The following SPON2 variants were observed in gnomAD, a reference collection of about 807,000 sequenced individuals.
The protein encoded by SPON2 is spondin-2.
SPON2 carries 32 observed loss-of-function variants against 29.9 expected under a neutral mutation model. The observed-to-expected ratio is 1.07, with a 90% CI of 0.81 to 1.44. SPON2 has a LOEUF of 1.44. SPON2 is among the 40% of genes most tolerant of loss of function. The pLI is 0.00. For missense variants in SPON2, 541 were observed against 455.5 expected (o/e 1.19, Z -1.71); for synonymous variants, 248 against 209.1 (o/e 1.19, Z -1.61).
At chr4:1,200,282 C>T (rs1466320620) in intron 1 of SPON2, among the ~76,000 whole-genome samples, 1 of 152,190 alleles carries the variant, frequency 6.6e-6, no homozygotes, top group Non-Finnish European at 1.5e-5. Flanking sequence ...AGAGACCAGG[C>T]AGGCTCCACG....
intron 1 of SPON2, chr4:1,172,333 C>T: frequency 1.8e-6 from 1 of 563,582 alleles, no homozygotes; most frequent in South Asian, 2.1e-5. Context: ...TGCAGCTTGC[C>T]GGGCCGGTCT....
chr4:1,172,605 C>T (rs1446638580), upstream of SPON2: 1 of 158,438 alleles, frequency 6.3e-6, no homozygotes, highest in African/African-American at 2.4e-5. Flanking sequence ...CCCGGAGCTC[C>T]TATTTAAGCC....
At chr4:1,176,097 G>C (rs1393638923), upstream of SPON2, among the ~76,000 whole-genome samples, 1 of 152,106 alleles carries the variant, frequency 6.6e-6, no homozygotes, top group Non-Finnish European at 1.5e-5. Context: ...GATCGGGCTG[G>C]GGTCTCAGGC....
chr4:1,172,939 GTCC>G (rs1224429803), upstream of SPON2: 1 of 101,214 alleles, frequency 9.9e-6, no homozygotes, highest in African/African-American at 3.8e-5. Flanking sequence ...CCTCCCCCCT[GTCC>G]TCCTCCCTCT....
intron 1 of SPON2, among the ~76,000 whole-genome samples, chr4:1,180,704 G>A (rs1727687837): frequency 6.6e-6 from 1 of 152,192 alleles, no homozygotes; most frequent in Admixed American, 6.5e-5. Context: ...AGAGAACCAA[G>A]TAGAAATTCT....
chr4:1,188,981 G>A (rs114502788), intron 1 of SPON2, among the ~76,000 whole-genome samples: 8,768 of 152,254 alleles, frequency 0.058, 367 homozygotes, highest in Non-Finnish European at 0.094. Flanking sequence ...ATCATGCAAA[G>A]TATGTTCTCT....
At chr4:1,179,575 T>A (rs1367585687) in intron 1 of SPON2, 2 of 152,216 alleles carry the variant, frequency 1.3e-5, no homozygotes, top group East Asian at 3.8e-4. Context: ...TTTTAAGTAC[T>A]CTGGAAATTA....
exon 1 of SPON2, chr4:1,195,004 T>C (rs114554470): frequency 0.33 from 14,321 of 43,982 alleles, 2,451 homozygotes; most frequent in Non-Finnish European, 0.41. Flanking sequence ...CAGCCGGCGG[T>C]TCCAACCCCG....
chr4:1,184,975 G>A (rs1483634566), intron 1 of SPON2, among the ~76,000 whole-genome samples: 1 of 151,506 alleles, frequency 6.6e-6, no homozygotes, highest in Non-Finnish European at 1.5e-5. Flanking sequence ...AATAAGCTAT[G>A]CTCTATCTTT....
At chr4:1,190,778 C>T (rs1727897186) in intron 1 of SPON2, among the ~76,000 whole-genome samples, 1 of 151,822 alleles carries the variant, frequency 6.6e-6, no homozygotes, top group Admixed American at 6.6e-5. Flanking sequence ...AAATACAGAC[C>T]AATATTATAA....
chr4:1,180,611 C>T (rs2108657427), intron 1 of SPON2, among the ~76,000 whole-genome samples: 1 of 152,152 alleles, frequency 6.6e-6, no homozygotes, highest in East Asian at 1.9e-4. Flanking sequence ...CTTCCAAGAA[C>T]AAAGGAAAAC....
intron 1 of SPON2, among the ~76,000 whole-genome samples, chr4:1,180,719 T>A (rs1250923899): frequency 3.3e-5 from 5 of 152,044 alleles, no homozygotes; most frequent in Non-Finnish European, 7.4e-5. Context: ...AATTCTGGAG[T>A]TGAAAAGTAC....
chr4:1,188,882 C>G (rs1727852399), intron 1 of SPON2, among the ~76,000 whole-genome samples: 1 of 152,090 alleles, frequency 6.6e-6, no homozygotes, highest in African/African-American at 2.4e-5. Context: ...GGTTGTTGTG[C>G]CCATTATTCT....
chr4:1,168,649 TC>T (rs1727324370), intron 5 of SPON2, among the ~76,000 whole-genome samples: 1 of 152,156 alleles, frequency 6.6e-6, no homozygotes, highest in South Asian at 2.1e-4. Flanking sequence ...TGCTGGCAGA[TC>T]CCAGCACCCC....
intron 2 of SPON2, 182 bp from the exon 3 acceptor site, chr4:1,171,668 C>T (rs1410928119): frequency 1.3e-6 from 1 of 765,868 alleles, no homozygotes; most frequent in Non-Finnish European, 2.1e-6. Context: ...TCCCCGTGAG[C>T]GCCCCCTGCC....
chr4:1,169,673 G>A (rs1727359307), intron 5 of SPON2: 1 of 152,418 alleles, frequency 6.6e-6, no homozygotes, highest in South Asian at 2.1e-4. Context: ...CCCATGGCCA[G>A]GTTGGTGGGC....
rs1052312747 is a variant in SPON2, at chr4:1,167,321, C to T, written c.*151G>A. 8.1e-6 allele frequency: 6 copies of T among 736,638 alleles called. No individual in the cohort carries two copies. The highest frequency in any genetic ancestry group is 1.8e-5 in the African/African-American group (1 of 56,114). The allele number at this position is 736,638 out of a possible 1,614,324, so 45.6% of individuals were successfully genotyped here. On this transcript the variant is annotated 3_prime_UTR_variant, in exon 6 of 6. Transcript: ENST00000290902. Reference sequence around the variant, plus strand: ...ATGCCCGTGCCGGCCACCAGAGGGCCCTTCAGTGCAGAGATGGTCGGCGCG... The same window carrying T: ...ATGCCCGTGCCGGCCACCAGAGGGCTCTTCAGTGCAGAGATGGTCGGCGCG...
rs373672903 is a variant in SPON2 at position 1,185,662 on chromosome 4, C to T, written c.-238-6121G>A. On this transcript the variant is annotated intron_variant, in intron 1 of 3. Coordinates refer to the SPON2 transcript ENST00000502483. ...GGCGGACATTGCAGTGAGCTGAGAT[C>T]GCGTCACTGCACTCCAGCCTCGGCA... is the stretch of plus-strand genomic sequence containing the variant. Among the ~76,000 whole-genome samples the T allele has an allele frequency of 1.1e-4, 15 of 136,028 alleles. 1 individual carries two copies. In the Middle Eastern group the frequency reaches 0.031, roughly 278 times the overall value. The allele number at this position is 136,028 out of a possible 152,430, so 89.2% of individuals were successfully genotyped here.
In SPON2 at chr4:1,171,460, T is replaced by C; in HGVS notation, c.247A>G (p.Met83Val). Residue 83 changes from methionine (M) to valine (V), a missense_variant, in exon 3 of 6, where the codon ATG (methionine) becomes GTG (valine). Physicochemically the swap from Met to Val is conservative, Grantham distance 21. Transcript: ENST00000290902. Reference sequence around the variant, plus strand: ...CTGACGTACTGGTTCTTCCTCCACATGCTGTAGTCGGAGCTATGCGCGGCC... The same window carrying C: ...CTGACGTACTGGTTCTTCCTCCACACGCTGTAGTCGGAGCTATGCGCGGCC... The part of the protein sequence containing the change: ...LGAAHSSDYS[M>V]WRKNQYVSNG... 6.2e-7 allele frequency: 1 copy of C among 1,612,012 alleles called. No homozygotes were observed. Among genetic ancestry groups the C allele is most frequent in the Non-Finnish European group, 8.5e-7 (1 of 1,179,640 alleles).
Sources: allele counts gnomAD v4.1 joint callset (sites outside exome capture counted in the v4.1 genomes callset), GRCh38; gene constraint gnomAD v4.1.1; transcripts MANE v1.5; gene names NCBI Gene and HGNC (gene_info 2026-07-23, HGNC 2026-07-21).